SORD: variants seen among roughly 807,000 people sequenced by gnomAD.
The protein encoded by SORD is (R,R)-butanediol dehydrogenase.
SORD carries 18 observed loss-of-function variants against 35.6 expected under a neutral mutation model. The observed-to-expected ratio is 0.51, with a 90% CI of 0.35 to 0.75. SORD has a LOEUF of 0.75. Among genes scored for constraint, SORD ranks in the 30% least tolerant of loss-of-function variants. SORD has a pLI of 0.01. For synonymous variants in SORD, 106 were observed against 152.9 expected (o/e 0.69, Z 2.26); for missense variants, 250 against 390.2 (o/e 0.64, Z 3.03).
chr15:45,031,702 C>CT (rs72469440), intron 1 of SORD, among the ~76,000 whole-genome samples: 29,936 of 148,604 alleles, frequency 0.2, 5 homozygotes, highest in African/African-American at 0.44. Context: ...AGCAATCCAC[C>CT]TGCCTCGGCC....
intron 1 of SORD, among the ~76,000 whole-genome samples, chr15:45,031,735 G>A (rs1033405155): frequency 2.0e-5 from 3 of 150,418 alleles, no homozygotes; most frequent in African/African-American, 7.3e-5. Context: ...GGGATCACCG[G>A]TGTGAGCCAT....
Position 45,069,493 on chromosome 15 carries a change from A to G in SORD, c.786+441A>G, listed in dbSNP as rs188399365. Among the ~76,000 whole-genome samples the G allele has an allele frequency of 1.5e-3, 231 of 152,054 alleles. 2 individuals carry two copies. Among genetic ancestry groups the G allele is most frequent in the African/African-American group, 5.2e-3 (217 of 41,496 alleles). ...TCAAAGTGCTGGGATTACAGGCGCT[A>G]TCTCTGTTTTCTTATCTCTAGTGCG... On this transcript the variant is annotated intron_variant, in intron 7 of 8. Coordinates refer to ENST00000267814, the MANE Select transcript of SORD (RefSeq NM_003104.6).
intron 3 of SORD, among the ~76,000 whole-genome samples, chr15:45,051,377 T>G (rs2141274952): frequency 6.6e-6 from 1 of 152,280 alleles, no homozygotes; most frequent in East Asian, 1.9e-4. Flanking sequence ...TGTCAAATAC[T>G]CCTGTTTACC....
At chr15:45,035,814 G>A (rs61185620) in intron 1 of SORD, among the ~76,000 whole-genome samples, 1,685 of 150,520 alleles carry the variant, frequency 0.011, 27 homozygotes, top group African/African-American at 0.04. Flanking sequence ...CAGACGCGCC[G>A]CCTTAAGAGC....
intron 1 of SORD, among the ~76,000 whole-genome samples, chr15:45,035,367 G>A (rs1892846921): frequency 6.6e-6 from 1 of 152,100 alleles, no homozygotes; most frequent in Non-Finnish European, 1.5e-5. Context: ...ATCGGCACTC[G>A]GTATTTAGCT....
chr15:45,041,861 G>A (rs1180785719), intron 2 of SORD: 1 of 152,178 alleles, frequency 6.6e-6, no homozygotes, highest in Admixed American at 6.5e-5. Flanking sequence ...GAGTGTTCTA[G>A]CAAGTCAAAT....
intron 3 of SORD, among the ~76,000 whole-genome samples, chr15:45,059,778 G>A (rs1245108287): frequency 6.6e-6 from 1 of 152,212 alleles, no homozygotes; most frequent in Non-Finnish European, 1.5e-5. Flanking sequence ...TTATAGGCAT[G>A]AGCCACCACA....
intron 7 of SORD, 142 bp downstream of exon 7, chr15:45,069,194 CTTTTTTTT>C (rs752540495): frequency 1.4e-4 from 16 of 116,994 alleles, no homozygotes; most frequent in East Asian, 2.1e-4. Context: ...TTTTCTTTTT[CTTTTTTTT>C]TTTTTTTTTT....
At position 45,023,294 on chromosome 15, in the gene SORD, C is replaced by T. The variant is rs775850144; in HGVS notation, c.11C>T (p.Ala4Val). 4 of 1,584,312 alleles carry T rather than the reference C, an allele frequency of 2.5e-6. No individual in the cohort carries two copies. Among genetic ancestry groups the T allele is most frequent in the East Asian group, 4.7e-5 (2 of 42,230 alleles). Residue 4 changes from alanine to valine, a missense_variant, in exon 1 of 9, where the codon GCG becomes GTG. Around this residue, in one of 8 missense-constraint regions of SORD, gnomAD observed 43 missense variants for 30.6 expected, o/e 1.40. Coordinates refer to ENST00000267814, the MANE Select transcript of SORD (RefSeq NM_003104.6). MAAAAKPNNLSLVV... is the reference protein window; with the variant it reads MAAVAKPNNLSLVV... ...AGCCAAAAGAGCTCCATGGCGGCGGCGGCCAAGCCCAACAACCTTTCCCTG... is the reference window on the plus strand; with the variant it reads ...AGCCAAAAGAGCTCCATGGCGGCGGTGGCCAAGCCCAACAACCTTTCCCTG...
chr15:45,058,301 G>A (rs1893248989), intron 3 of SORD, among the ~76,000 whole-genome samples: 1 of 152,150 alleles, frequency 6.6e-6, no homozygotes, highest in Admixed American at 6.5e-5. Context: ...GTGATGGCTA[G>A]GTCTTCCATG....
intron 5 of SORD, among the ~76,000 whole-genome samples, chr15:45,067,491 G>A (rs1055714055): frequency 6.6e-6 from 1 of 152,140 alleles, no homozygotes; most frequent in Non-Finnish European, 1.5e-5. Context: ...TTTGTTTTCT[G>A]AGGGAGCTCA....
At chr15:45,067,085 G>A (rs1893418425) in intron 5 of SORD, among the ~76,000 whole-genome samples, 2 of 152,090 alleles carry the variant, frequency 1.3e-5, no homozygotes, top group African/African-American at 4.8e-5. Context: ...AATCAGGCTG[G>A]GCATGGTGGC....
intron 3 of SORD, among the ~76,000 whole-genome samples, chr15:45,049,106 G>A (rs1001209844): frequency 6.6e-6 from 1 of 152,202 alleles, no homozygotes; most frequent in Non-Finnish European, 1.5e-5. Context: ...GAAGAACAGA[G>A]GCATTTCTAT....
chr15:45,060,898 C>T (rs1893292004), intron 3 of SORD, 169 bp from the exon 4 acceptor site: 1 of 1,427,392 alleles, frequency 7.0e-7, no homozygotes, highest in East Asian at 2.6e-5. Context: ...AGGAGGGTGG[C>T]TCGTTAAGCT....
chr15:45,053,383 T>C (rs1893159720), intron 3 of SORD, among the ~76,000 whole-genome samples: 1 of 151,904 alleles, frequency 6.6e-6, no homozygotes. Flanking sequence ...AAGGGAAGAG[T>C]CATACAAAGA....
chr15:45,050,432 G>A (rs758792953), intron 3 of SORD: 3 of 152,188 alleles, frequency 2.0e-5, no homozygotes, highest in Non-Finnish European at 2.9e-5. Flanking sequence ...AAATACCTAT[G>A]AGTTGGGCAA....
chr15:45,031,562 C>A (rs1278421239), intron 1 of SORD, among the ~76,000 whole-genome samples: 1 of 152,262 alleles, frequency 6.6e-6, no homozygotes, highest in African/African-American at 2.4e-5. Context: ...TTTTTATACC[C>A]TGCATAGGAA....
chr15:45,036,087 T>G (rs1232071011), intron 1 of SORD: 1 of 272,052 alleles, frequency 3.7e-6, no homozygotes, highest in African/African-American at 2.3e-5. Context: ...GGTCCGCAGC[T>G]TCACTGCTGA....
intron 4 of SORD, among the ~76,000 whole-genome samples, chr15:45,064,327 T>C (rs1893371152): frequency 6.6e-6 from 1 of 152,198 alleles, no homozygotes; most frequent in South Asian, 2.1e-4. Flanking sequence ...TTAATGTCAG[T>C]GAGTTTCAGT....
Sources: gnomAD v4.1 joint callset for allele counts (sites outside exome capture counted in the v4.1 genomes callset) on GRCh38, gnomAD v4.1.1 for gene constraint, gnomAD v4.1.1 regional missense constraint, MANE v1.5 for transcripts, NCBI Gene and HGNC (gene_info 2026-07-23, HGNC 2026-07-21) for gene names.